The following CIDEC variants were observed in gnomAD, a reference collection of about 807,000 sequenced individuals.
The protein encoded by CIDEC is cell death inducing DFFA like effector c.
A neutral mutation model predicts 21.9 loss-of-function variants in CIDEC; 11 were observed. The ratio of observed to expected loss-of-function variants is 0.50; its 90% CI spans 0.32 to 0.83. CIDEC has a LOEUF of 0.83. CIDEC is among the 40% of genes least tolerant of loss of function. The probability of loss-of-function intolerance (pLI) is 0.04; values close to 1 mark genes in which losing one functional copy is unlikely to be tolerated. For missense variants in CIDEC, 302 were observed against 302.3 expected, an observed-to-expected ratio of 1.00 and a Z score of 0.01; for synonymous variants, 127 against 124.9, an observed-to-expected ratio of 1.02 and a Z score of -0.11.
intron 1 of CIDEC, 30 bp from the exon 2 acceptor site, chr3:9,879,084 A>G: frequency 2.0e-6 from 1 of 488,304 alleles, no homozygotes; most frequent in South Asian, 3.1e-5. Flanking sequence ...CCTTGTACAT[A>G]CTCTCCAATA....
rs558876648 is a variant in CIDEC at position 9,867,550 on chromosome 3, G to A, written c.555-254C>T. Among the ~76,000 whole-genome samples the A allele has an allele frequency of 2.0e-5, 3 of 152,338 alleles. No homozygotes were observed. In the South Asian group the frequency reaches 6.2e-4, roughly 32 times the overall value. On this transcript the variant is annotated intron_variant, in intron 6 of 6. Coordinates refer to ENST00000336832, the MANE Select transcript of CIDEC (RefSeq NM_001321142.2). The stretch of plus-strand genomic sequence containing the variant: ...CAGGAGAATCGCTTGAACCCAGGAG[G>A]CGGAGGTCACAGTGAGCCGAGGTGG...
chr3:9,866,965 CA>C lies in CIDEC; in HGVS notation c.*168del. Reference sequence around the variant, plus strand: ...CAGGAGCTTGAGGTTCTCCTTTGGCCAACCCACCCCAGGTTTCCAGCTCCTC... The same window carrying C: ...CAGGAGCTTGAGGTTCTCCTTTGGCCACCCACCCCAGGTTTCCAGCTCCTC... On this transcript the variant is annotated 3_prime_UTR_variant, in exon 7 of 7. Coordinates refer to ENST00000336832, the MANE Select transcript of CIDEC (RefSeq NM_001321142.2). 1.3e-6 allele frequency: 1 copy of C among 786,072 alleles called. No individual in the cohort carries two copies. Among genetic ancestry groups the C allele is most frequent in the South Asian group, 1.4e-5 (1 of 69,964 alleles). The allele number at this position is 786,072 out of a possible 1,614,324, so 48.7% of individuals were successfully genotyped here.
rs1330257342 is a variant in CIDEC at position 9,870,158 on chromosome 3, C to A, written c.366+6G>T. ...CCCCCATCAGGTGCAACAGGTGGGA[C>A]CTCACCTGTTCTGATGGGGGCTGCC... On this transcript the variant is annotated splice_donor_region_variant and intron_variant, in intron 5 of 6. Coordinates refer to ENST00000336832, the MANE Select transcript of CIDEC (RefSeq NM_001321142.2). 6.2e-7 allele frequency: 1 copy of A among 1,613,984 alleles called. No homozygotes were observed.
chr3:9,871,417 G>A (rs2082346526), intron 4 of CIDEC, among the ~76,000 whole-genome samples: 1 of 148,162 alleles, frequency 6.7e-6, no homozygotes, highest in Non-Finnish European at 1.5e-5. Flanking sequence ...AAACTCCTGG[G>A]CTCAAGTAAT....
chr3:9,876,939 T>G (rs1383517288), intron 4 of CIDEC, 127 bp downstream of exon 4: 7 of 750,308 alleles, frequency 9.3e-6, no homozygotes, highest in Non-Finnish European at 1.4e-5. Flanking sequence ...GCTCTCCAGG[T>G]GGGCATTACC....
Position 9,877,230 on chromosome 3 carries a change from T to TG in CIDEC, c.54-12dup. The TG allele has an allele frequency of 1.3e-6, 2 of 1,549,796 alleles. No individual in the cohort carries two copies. Among genetic ancestry groups the TG allele is most frequent in the Non-Finnish European group, 1.7e-6 (2 of 1,146,940 alleles). On this transcript the variant is annotated splice_polypyrimidine_tract_variant and intron_variant, in intron 3 of 6. Transcript: ENST00000336832. Reference sequence around the variant, plus strand: ...CGCACTGACACATGCCTGGGGCAGTTGAAGCATCAGGGTGAGCCACCCACT... The same window carrying TG: ...CGCACTGACACATGCCTGGGGCAGTTGGAAGCATCAGGGTGAGCCACCCACT...
intron 4 of CIDEC, 112 bp from the exon 5 acceptor site, chr3:9,870,434 T>A: frequency 7.0e-6 from 11 of 1,572,358 alleles, no homozygotes; most frequent in Non-Finnish European, 4.3e-6. Context: ...CCAGAGACTT[T>A]ATCATGGTAC....
Position 9,867,233 on chromosome 3 carries a change from G to T in CIDEC, c.618C>A (p.Ser206=). 2 of 1,614,190 alleles carry T rather than the reference G, an allele frequency of 1.2e-6. No individual in the cohort carries two copies. Among genetic ancestry groups the T allele is most frequent in the African/African-American group, 2.7e-5 (2 of 75,078 alleles). ...QATGHVLLGT[S]CYLQQLLDAT... ...CATCGAGGAGCTGCTGCAGGTAACA[G>T]GAGGTGCCAAGCAGTACGTGGCCTG... Residue 206 remains serine, a synonymous_variant, in exon 7 of 7, where the codon TCC becomes TCA. Coordinates refer to ENST00000336832, the MANE Select transcript of CIDEC (RefSeq NM_001321142.2).
Position 9,876,178 on chromosome 3 carries a change from G to A in CIDEC, c.207+888C>T, listed in dbSNP as rs2082419721. ...CAGATGAGAGGGTCCCACCCCTATA[G>A]AGATGATCAGTGAGGACAGGCATGG... On this transcript the variant is annotated intron_variant, in intron 4 of 6. Transcript: ENST00000336832. 2.0e-5 allele frequency among the ~76,000 whole-genome samples: 3 copies of A among 152,218 alleles called. No individual in the cohort carries two copies. The South Asian group carries it at 6.2e-4, about 32-fold the overall frequency.
chr3:9,868,191 C>T (rs190815692), intron 6 of CIDEC, among the ~76,000 whole-genome samples: 282 of 152,238 alleles, frequency 1.9e-3, no homozygotes, highest in African/African-American at 5.7e-3. Context: ...CCGGAACCTC[C>T]CTACTTTCTC....
chr3:9,878,876 G>A, intron 2 of CIDEC, 66 bp downstream of exon 2: 1 of 1,475,744 alleles, frequency 6.8e-7, no homozygotes, highest in Non-Finnish European at 9.2e-7. Flanking sequence ...CATGGGGACA[G>A]AGTCCACTTT....
chr3:9,877,025 C>T (rs1382779805), intron 4 of CIDEC, 41 bp downstream of exon 4: 1 of 1,525,232 alleles, frequency 6.6e-7, no homozygotes, highest in Non-Finnish European at 8.9e-7. Context: ...CTGCTGAATC[C>T]CAGCTCACAG....
intron 6 of CIDEC, among the ~76,000 whole-genome samples, chr3:9,867,800 G>C (rs1346463162): frequency 6.6e-6 from 1 of 152,072 alleles, no homozygotes; most frequent in Non-Finnish European, 1.5e-5. Context: ...CGTGGTGGCA[G>C]ACACCTGTAA....
intron 4 of CIDEC, among the ~76,000 whole-genome samples, chr3:9,874,112 T>A (rs915942120): frequency 6.6e-6 from 1 of 152,132 alleles, no homozygotes; most frequent in Non-Finnish European, 1.5e-5. Flanking sequence ...GGGGACATGA[T>A]AAAAAGATGT....
chr3:9,873,655 A>G (rs148076179), intron 4 of CIDEC, among the ~76,000 whole-genome samples: 4 of 152,222 alleles, frequency 2.6e-5, no homozygotes, highest in Non-Finnish European at 5.9e-5. Context: ...ACTTAGGTTA[A>G]CTGCCTGGGT....
chr3:9,877,099 G>T lies in CIDEC; in HGVS notation c.174C>A (p.Ile58=), dbSNP rs1340482778. Residue 58 remains isoleucine (I), a synonymous_variant, in exon 4 of 7, where the codon ATC becomes ATA. Coordinates refer to ENST00000336832, the MANE Select transcript of CIDEC (RefSeq NM_001321142.2). Reference sequence around the variant, plus strand: ...GGAGGTCCTCAAGACTGTAAGCCATGATGCCCTTCCTCACGCTTCGATCCG... The same window carrying T: ...GGAGGTCCTCAAGACTGTAAGCCATTATGCCCTTCCTCACGCTTCGATCCG... ...STADRSVRKG[I]MAYSLEDLLL... is the part of the protein sequence containing the mutation. 1.3e-6 allele frequency: 2 copies of T among 1,553,500 alleles called. No homozygotes were observed. Among genetic ancestry groups the T allele is most frequent in the Non-Finnish European group, 1.7e-6 (2 of 1,147,934 alleles).
In CIDEC at chr3:9,867,162, A is replaced by T. The variant is rs1575444372; in HGVS notation, c.689T>A (p.Ile230Asn). 6.2e-7 allele frequency: 1 copy of T among 1,613,778 alleles called. No individual in the cohort carries two copies. Among genetic ancestry groups the T allele is most frequent in the South Asian group, 1.1e-5 (1 of 91,064 alleles). The stretch of plus-strand genomic sequence containing the variant: ...CTGCAGTATCTTCAGACAGGTCGGG[A>T]TAAGGGATGAGGCCTTGCCCTTGGG... ...QPPKGKASSL[I>N]PTCLKILQ The change falls in exon 7 of 7, where the codon ATC becomes AAC. Residue 230 changes from isoleucine (I) to asparagine (N), a missense_variant. Ile to Asn is a moderately radical substitution (Grantham distance 149). Coordinates refer to ENST00000336832, the MANE Select transcript of CIDEC (RefSeq NM_001321142.2).
At chr3:9,870,713 C>T (rs931321135) in intron 4 of CIDEC, among the ~76,000 whole-genome samples, 1 of 152,184 alleles carries the variant, frequency 6.6e-6, no homozygotes, top group Non-Finnish European at 1.5e-5. Context: ...AATTGTAGCT[C>T]ATTGCAGCCT....
chr3:9,875,396 A>G (rs2082409224), intron 4 of CIDEC, among the ~76,000 whole-genome samples: 1 of 150,348 alleles, frequency 6.7e-6, no homozygotes, highest in African/African-American at 2.4e-5. Flanking sequence ...AAAAAAAAGA[A>G]AAAAGAAATG....
Sources: allele counts gnomAD v4.1 joint callset (sites outside exome capture counted in the v4.1 genomes callset), GRCh38; gene constraint gnomAD v4.1.1; transcripts MANE v1.5; gene names NCBI Gene and HGNC (gene_info 2026-07-23, HGNC 2026-07-21).